ZNF723: variants seen among roughly 807,000 people sequenced by gnomAD.
ZNF723 encodes zinc finger protein 723, also known as zinc finger protein 723, pseudogene.
In ZNF723, 5 loss-of-function variants were observed where a neutral mutation model predicts 9.4. That is an observed-to-expected ratio of 0.53 (90% CI 0.28 to 1.12). ZNF723 has a LOEUF of 1.12. ZNF723 is among the 50% of genes most tolerant of loss of function. The pLI is 0.10. For missense variants in ZNF723, 450 were observed against 501.5 expected, an observed-to-expected ratio of 0.90 and a Z score of 0.98; for synonymous variants, 158 against 168.8, an observed-to-expected ratio of 0.94 and a Z score of 0.49.
chr19:22,835,784 AT>A (rs1967157832), intron 1 of ZNF723, among the ~76,000 whole-genome samples: 1 of 152,166 alleles, frequency 6.6e-6, no homozygotes, highest in African/African-American at 2.4e-5. Context: ...GACAGTGAAT[AT>A]TTTTGTTCTA....
At chr19:22,847,529 A>G (rs1240550522) in intron 1 of ZNF723, among the ~76,000 whole-genome samples, 1 of 87,170 alleles carries the variant, frequency 1.1e-5, no homozygotes, top group Admixed American at 1.1e-4. Context: ...GATGTTCTGG[A>G]AAAAAAAAAA....
chr19:22,819,873 T>C, the ZNF723 span, among the ~76,000 whole-genome samples: 1 of 152,196 alleles, frequency 6.6e-6, no homozygotes, highest in African/African-American at 2.4e-5. Context: ...TCCCAGGCCC[T>C]GCATACATTG....
chr19:22,821,690 T>C, the ZNF723 span, among the ~76,000 whole-genome samples: 1 of 152,218 alleles, frequency 6.6e-6, no homozygotes, highest in East Asian at 1.9e-4. Flanking sequence ...CTCTTAGACA[T>C]TATAGTCAAG....
Position 22,857,368 on chromosome 19 carries a change from T to A in ZNF723, c.477T>A (p.Ser159Arg). The change falls in exon 4 of 4, where the codon AGT becomes AGA. Residue 159 changes from serine (S) to arginine (R), a missense_variant. Physicochemically the swap from Ser to Arg is moderately radical, Grantham distance 110. Coordinates refer to ENST00000600766, the MANE Select transcript of ZNF723 (RefSeq NM_001349726.2). ...TAAAAGTCTTTCATAAATTTTCAAG[T>A]TCAAATAGCCAGAAGATAAGACATA... ...KYVKVFHKFS[S>R]SNSQKIRHTG... 1 of 835,688 alleles carries A rather than the reference T, an allele frequency of 1.2e-6. No homozygotes were observed. Among genetic ancestry groups the A allele is most frequent in the East Asian group, 2.4e-5 (1 of 41,166 alleles). 51.8% of individuals were successfully genotyped at this position (835,688 alleles called of 1,614,324 possible). A position where few individuals can be genotyped will look rare whatever the true frequency, so the allele number is the denominator to read the frequency against.
the ZNF723 span, among the ~76,000 whole-genome samples, chr19:22,823,575 G>A: frequency 6.6e-6 from 1 of 152,214 alleles, no homozygotes; most frequent in Non-Finnish European, 1.5e-5. Context: ...CTCTAGAGCT[G>A]GAAGTGTTTG....
At chr19:22,828,709 A>G (rs925832318), upstream of ZNF723, among the ~76,000 whole-genome samples, 2 of 152,220 alleles carry the variant, frequency 1.3e-5, no homozygotes, top group South Asian at 2.1e-4. Context: ...GAGCTTGTAC[A>G]CTAGTTCCAA....
the ZNF723 span, among the ~76,000 whole-genome samples, chr19:22,813,423 G>A: frequency 6.6e-6 from 1 of 152,070 alleles, no homozygotes; most frequent in African/African-American, 2.4e-5. Flanking sequence ...GTTGGAGGGG[G>A]GAGGATTGCA....
At chr19:22,853,613 A>C (rs1967428464) in intron 3 of ZNF723, among the ~76,000 whole-genome samples, 1 of 152,002 alleles carries the variant, frequency 6.6e-6, no homozygotes, top group Non-Finnish European at 1.5e-5. Context: ...GAATCTTGTA[A>C]GATCGTGTGA....
the ZNF723 span, among the ~76,000 whole-genome samples, chr19:22,815,131 TG>T: frequency 2.6e-5 from 4 of 152,128 alleles, no homozygotes; most frequent in Non-Finnish European, 5.9e-5. Flanking sequence ...GACATATCAC[TG>T]GGCCCAGAAT....
chr19:22,831,524 T>C (rs1437490462), upstream of ZNF723, among the ~76,000 whole-genome samples: 2 of 150,842 alleles, frequency 1.3e-5, no homozygotes, highest in Admixed American at 6.6e-5. Flanking sequence ...TTGAATGCAC[T>C]CCAACCTGGG....
chr19:22,855,560 G>A (rs1967465488), intron 3 of ZNF723, among the ~76,000 whole-genome samples: 1 of 152,120 alleles, frequency 6.6e-6, no homozygotes, highest in African/African-American at 2.4e-5. Context: ...TATTTTCAAT[G>A]GAAGAAACTG....
upstream of ZNF723, among the ~76,000 whole-genome samples, chr19:22,831,491 A>G (rs1967093998): frequency 6.6e-6 from 1 of 151,852 alleles, no homozygotes; most frequent in Admixed American, 6.6e-5. Flanking sequence ...TGGGAGGCGG[A>G]GGTTGCAGTG....
chr19:22,835,645 A>G (rs1297618167), intron 1 of ZNF723, among the ~76,000 whole-genome samples: 1 of 152,218 alleles, frequency 6.6e-6, no homozygotes, highest in Non-Finnish European at 1.5e-5. Flanking sequence ...AAGGCAAATA[A>G]TAGGGAAATC....
chr19:22,836,536 G>A (rs1967169553), intron 1 of ZNF723, among the ~76,000 whole-genome samples: 1 of 152,006 alleles, frequency 6.6e-6, no homozygotes, highest in South Asian at 2.1e-4. Context: ...GCAAATGGAG[G>A]GTGAAAAATC....
In ZNF723 at chr19:22,857,252, G is replaced by T. The variant is rs1445838846; in HGVS notation, c.361G>T (p.Asp121Tyr). ...ATTAAGAAAAGGCTGTGAAAGTGTGGATGAGTGTAAGATGCACAAAGGAGG... is the reference window on the plus strand; with the variant it reads ...ATTAAGAAAAGGCTGTGAAAGTGTGTATGAGTGTAAGATGCACAAAGGAGG... ...LQLRKGCESV[D>Y]ECKMHKGGYD... Residue 121 changes from aspartate to tyrosine, a missense_variant, in exon 4 of 4, where the codon GAT (aspartate) becomes TAT (tyrosine). By Grantham distance (160) the Asp-to-Tyr change is radical. Around this residue, in one of 5 missense-constraint regions of ZNF723, gnomAD observed 143 missense variants for 101.3 expected, o/e 1.41. Transcript: ENST00000600766. The T allele has an allele frequency of 8.3e-6, 7 of 840,502 alleles. No individual in the cohort carries two copies. The highest frequency in any genetic ancestry group is 1.4e-5 in the Non-Finnish European group (7 of 484,752). 52.1% of individuals were successfully genotyped at this position (840,502 alleles called of 1,614,324 possible).
intron 3 of ZNF723, among the ~76,000 whole-genome samples, chr19:22,851,175 A>ATTTG (rs1225794181): frequency 6.6e-6 from 1 of 151,600 alleles, no homozygotes; most frequent in African/African-American, 2.4e-5. Context: ...TTATTTATTT[A>ATTTG]TTACTATTTT....
At chr19:22,853,937 G>A (rs188353521) in intron 3 of ZNF723, among the ~76,000 whole-genome samples, 1 of 152,236 alleles carries the variant, frequency 6.6e-6, no homozygotes, top group Non-Finnish European at 1.5e-5. Context: ...AGAAGGGTGT[G>A]TATCCTGATG....
intron 1 of ZNF723, among the ~76,000 whole-genome samples, chr19:22,834,147 T>G (rs1310657060): frequency 6.6e-6 from 1 of 151,186 alleles, no homozygotes; most frequent in Non-Finnish European, 1.5e-5. Flanking sequence ...AACACCTGAC[T>G]TCAGGTGATC....
chr19:22,831,919 A>T (rs112253774), upstream of ZNF723, among the ~76,000 whole-genome samples: 18 of 151,716 alleles, frequency 1.2e-4, no homozygotes, highest in African/African-American at 3.6e-4. Flanking sequence ...AAAAAAAAAA[A>T]TAATAAATAA....
Sources: allele counts gnomAD v4.1 joint callset (sites outside exome capture counted in the v4.1 genomes callset), GRCh38; gene constraint gnomAD v4.1.1; regional missense constraint gnomAD v4.1.1; transcripts MANE v1.5; gene names NCBI Gene and HGNC (gene_info 2026-07-23, HGNC 2026-07-21).